FHIT: variants seen among roughly 807,000 people sequenced by gnomAD.
FHIT encodes the protein bis(5'-adenosyl)-triphosphatase.
A neutral mutation model predicts 17.9 loss-of-function variants in FHIT; 19 were observed. The observed-to-expected ratio is 1.06, with a 90% CI of 0.74 to 1.56. The LOEUF (loss-of-function observed/expected upper bound fraction) is 1.56. FHIT is among the 40% of genes most tolerant of loss of function. The pLI is 0.00. For synonymous variants in FHIT, 81 were observed against 69.7 expected, an observed-to-expected ratio of 1.16 and a Z score of -0.81; for missense variants, 248 against 189.2, an observed-to-expected ratio of 1.31 and a Z score of -1.82.
chr3:60,494,995 G>T (rs1318169206), intron 5 of FHIT, among the ~76,000 whole-genome samples: 2 of 152,218 alleles, frequency 1.3e-5, no homozygotes, highest in Non-Finnish European at 2.9e-5. Flanking sequence ...TCCAACAGTG[G>T]GATGTCTGGA....
intron 3 of FHIT, among the ~76,000 whole-genome samples, chr3:60,928,373 A>AG (rs1553770646): frequency 6.6e-6 from 1 of 150,872 alleles, no homozygotes; most frequent in Non-Finnish European, 1.5e-5. Context: ...ACTTTAAAAA[A>AG]AAAAAAGAAA....
chr3:60,967,809 T>C (rs1397602404), intron 3 of FHIT, among the ~76,000 whole-genome samples: 1 of 152,206 alleles, frequency 6.6e-6, no homozygotes, highest in Non-Finnish European at 1.5e-5. Flanking sequence ...TCTAGGACCA[T>C]GATCAGACTG....
intron 5 of FHIT, among the ~76,000 whole-genome samples, chr3:60,184,017 G>C (rs1702058006): frequency 6.6e-6 from 1 of 150,550 alleles, no homozygotes; most frequent in South Asian, 2.1e-4. Context: ...TTTGAGTCAG[G>C]GTCTTTGCCA....
At chr3:60,533,468 T>A (rs1289735998) in intron 5 of FHIT, among the ~76,000 whole-genome samples, 2 of 152,128 alleles carry the variant, frequency 1.3e-5, no homozygotes, top group African/African-American at 4.8e-5. Flanking sequence ...TGCACGTACT[T>A]TGGATATGAG....
In FHIT at chr3:60,669,804, A is replaced by G. The variant is rs989953221; in HGVS notation, c.-17-132825T>C. ...GGGCTCAGAAATAGGAATGATAGAA[A>G]AGCAAGCAGGAAGAGACCCTGGGCA... On this transcript the variant is annotated intron_variant, in intron 4 of 9. Transcript: ENST00000492590. 2.0e-5 allele frequency among the ~76,000 whole-genome samples: 3 copies of G among 152,174 alleles called. 1 individual carries two copies. In the South Asian group the frequency reaches 6.2e-4, roughly 32 times the overall value.
At chr3:60,069,368 T>C (rs945049218) in intron 5 of FHIT, among the ~76,000 whole-genome samples, 3 of 152,238 alleles carry the variant, frequency 2.0e-5, no homozygotes, top group Non-Finnish European at 4.4e-5. Context: ...AATCCCAACC[T>C]GTTACAATTC....
chr3:61,177,328 C>T (rs186041019), intron 2 of FHIT, among the ~76,000 whole-genome samples: 6 of 152,224 alleles, frequency 3.9e-5, no homozygotes, highest in African/African-American at 1.4e-4. Flanking sequence ...TCCAACTCCA[C>T]TAAACCTGAG....
chr3:60,860,164 T>TCTGA (rs1703596656), intron 3 of FHIT, among the ~76,000 whole-genome samples: 1 of 75,960 alleles, frequency 1.3e-5, no homozygotes, highest in Non-Finnish European at 2.6e-5. Context: ...ATGATATACA[T>TCTGA]CATATGTATA....
intron 5 of FHIT, among the ~76,000 whole-genome samples, chr3:60,415,361 A>C (rs1461304877): frequency 1.3e-5 from 2 of 152,300 alleles, no homozygotes; most frequent in East Asian, 3.9e-4. Flanking sequence ...GCCAGAATGT[A>C]AACTGAGGGT....
At chr3:60,149,348 T>G (rs1459487346) in intron 5 of FHIT, among the ~76,000 whole-genome samples, 1 of 152,038 alleles carries the variant, frequency 6.6e-6, no homozygotes, top group Non-Finnish European at 1.5e-5. Context: ...CATGCTTTTT[T>G]TTTTTTCAGG....
At chr3:60,735,626 A>G (rs1188621305) in intron 4 of FHIT, among the ~76,000 whole-genome samples, 1 of 152,240 alleles carries the variant, frequency 6.6e-6, no homozygotes, top group Non-Finnish European at 1.5e-5. Flanking sequence ...GCGTGAGACC[A>G]ACCCAATGGA....
intron 5 of FHIT, among the ~76,000 whole-genome samples, chr3:60,037,299 C>A (rs897156554): frequency 1.3e-5 from 2 of 152,080 alleles, no homozygotes; most frequent in African/African-American, 4.8e-5. Flanking sequence ...GTTTTCCATA[C>A]TGCCAAATAG....
chr3:59,749,651 G>A (rs749600042), intron 9 of FHIT, 72 bp from the exon 10 acceptor site: 22 of 230,376 alleles, frequency 9.5e-5, no homozygotes, highest in Non-Finnish European at 1.7e-4. Flanking sequence ...GGAACAATGA[G>A]GAGGCAAATG....
chr3:59,807,041 G>A (rs1700231688), intron 8 of FHIT, among the ~76,000 whole-genome samples: 1 of 152,108 alleles, frequency 6.6e-6, no homozygotes, highest in Admixed American at 6.5e-5. Flanking sequence ...GGCTAGTATG[G>A]GACTCTGGCT....
At chr3:60,502,457 C>T (rs908071436) in intron 5 of FHIT, among the ~76,000 whole-genome samples, 1 of 152,172 alleles carries the variant, frequency 6.6e-6, no homozygotes, top group East Asian at 1.9e-4. Flanking sequence ...CCTCATTTGA[C>T]ATCTAATCAA....
chr3:61,122,987 G>C (rs769143257), intron 2 of FHIT, among the ~76,000 whole-genome samples: 10 of 152,164 alleles, frequency 6.6e-5, no homozygotes, highest in Non-Finnish European at 1.3e-4. Flanking sequence ...ATCTGACCCA[G>C]CAATCCCATT....
chr3:60,027,129 ACACAC>A (rs1559559936), intron 5 of FHIT, among the ~76,000 whole-genome samples: 2 of 131,274 alleles, frequency 1.5e-5, no homozygotes, highest in Admixed American at 7.3e-5. Context: ...ACACACACAC[ACACAC>A]ACACACACAC....
intron 7 of FHIT, among the ~76,000 whole-genome samples, chr3:59,950,732 G>C (rs926713834): frequency 9.9e-5 from 15 of 152,186 alleles, no homozygotes; most frequent in African/African-American, 3.6e-4. Flanking sequence ...TGTTCTCTGG[G>C]ACAAAGCTCC....
At chr3:60,610,682 A>G (rs2107731363) in intron 4 of FHIT, among the ~76,000 whole-genome samples, 1 of 152,342 alleles carries the variant, frequency 6.6e-6, no homozygotes, top group African/African-American at 2.4e-5. Flanking sequence ...GCAAACTTCG[A>G]AAAAATATTA....
Sources: allele counts gnomAD v4.1 joint callset (sites outside exome capture counted in the v4.1 genomes callset), GRCh38; gene constraint gnomAD v4.1.1; transcripts MANE v1.5; gene names NCBI Gene and HGNC (gene_info 2026-07-23, HGNC 2026-07-21).